LGR6: variants seen among roughly 807,000 people sequenced by gnomAD.
The protein encoded by LGR6 is leucine-rich repeat-containing G protein-coupled receptor 6.
A neutral mutation model predicts 69.4 loss-of-function variants in LGR6; 45 were observed. The observed-to-expected ratio is 0.65, with a 90% CI of 0.51 to 0.83. LGR6 has a LOEUF of 0.83. Ranked by LOEUF, LGR6 falls within the 40% of genes least tolerant of loss-of-function variation. The pLI, the probability that LGR6 is intolerant of heterozygous loss-of-function variation, is 0.00. For missense variants in LGR6, 1,108 were observed against 1,246.7 expected (o/e 0.89, Z 1.68); for synonymous variants, 538 against 555.0 (o/e 0.97, Z 0.43).
At chr1:202,218,991 T>C (rs721559) in intron 1 of LGR6, among the ~76,000 whole-genome samples, 66,667 of 151,968 alleles carry the variant, frequency 0.44, 14,793 homozygotes, top group Non-Finnish European at 0.46. Context: ...CTGAGCTCAG[T>C]GCACAGAAGC....
At chr1:202,251,547 C>T (rs1033562191) in intron 4 of LGR6, among the ~76,000 whole-genome samples, 3 of 152,122 alleles carry the variant, frequency 2.0e-5, no homozygotes, top group African/African-American at 7.2e-5. Context: ...CCCTCCCACC[C>T]GGGAAGCCAG....
At chr1:202,295,870 AGTGTGTGT>A (rs10522809) in intron 6 of LGR6, among the ~76,000 whole-genome samples, 4,163 of 143,994 alleles carry the variant, frequency 0.029, 80 homozygotes, top group Non-Finnish European at 0.033. Context: ...TTGGGTAATT[AGTGTGTGT>A]GTGTGTGTGT....
At chr1:202,223,391 G>C (rs1328334348) in intron 1 of LGR6, among the ~76,000 whole-genome samples, 1 of 152,154 alleles carries the variant, frequency 6.6e-6, no homozygotes, top group East Asian at 1.9e-4. Flanking sequence ...TCTTTTTATA[G>C]ATTGGAACAG....
intron 14 of LGR6, 57 bp downstream of exon 14, chr1:202,307,458 T>C (rs1317171145): frequency 6.5e-7 from 1 of 1,547,438 alleles, no homozygotes; most frequent in African/African-American, 1.4e-5. Flanking sequence ...GACTATGGGC[T>C]GGCCAATGGA....
At chr1:202,316,893 T>C (rs1654185546) in intron 17 of LGR6, among the ~76,000 whole-genome samples, 1 of 152,096 alleles carries the variant, frequency 6.6e-6, no homozygotes, top group South Asian at 2.1e-4. Flanking sequence ...GAGAGAGGGA[T>C]GGAAAACACC....
chr1:202,236,095 C>T (rs1661523966), intron 4 of LGR6, 102 bp downstream of exon 4: 1 of 915,680 alleles, frequency 1.1e-6, no homozygotes, highest in Non-Finnish European at 1.7e-6. Context: ...TGCAGGCGCC[C>T]CCTCTCCCAG....
At chr1:202,311,815 A>G (rs1292579720) in intron 16 of LGR6, among the ~76,000 whole-genome samples, 3 of 152,150 alleles carry the variant, frequency 2.0e-5, no homozygotes, top group Admixed American at 6.5e-5. Context: ...GGAGAGTGCA[A>G]CTGTGGAGTC....
chr1:202,234,854 A>G (rs1334406135), intron 3 of LGR6, among the ~76,000 whole-genome samples: 1 of 152,168 alleles, frequency 6.6e-6, no homozygotes, highest in Non-Finnish European at 1.5e-5. Flanking sequence ...AGATGGATGG[A>G]TACACCATAA....
At chr1:202,278,927 T>C (rs1254917710) in intron 5 of LGR6, among the ~76,000 whole-genome samples, 1 of 152,172 alleles carries the variant, frequency 6.6e-6, no homozygotes, top group African/African-American at 2.4e-5. Flanking sequence ...TGGTGTCATG[T>C]GTGTAATCTT....
intron 1 of LGR6, among the ~76,000 whole-genome samples, chr1:202,212,082 G>C (rs991239355): frequency 2.0e-5 from 3 of 152,210 alleles, no homozygotes; most frequent in African/African-American, 7.2e-5. Flanking sequence ...TGGGCAACCA[G>C]ACATGTTCTA....
intron 6 of LGR6, among the ~76,000 whole-genome samples, chr1:202,286,314 A>T (rs541710721): frequency 6.6e-6 from 1 of 152,322 alleles, no homozygotes; most frequent in Admixed American, 6.5e-5. Flanking sequence ...ATTTGCCTTC[A>T]TATCTCAAGG....
intron 1 of LGR6, among the ~76,000 whole-genome samples, chr1:202,205,925 CAT>C (rs1204671766): frequency 1.5e-4 from 22 of 150,626 alleles, no homozygotes; most frequent in African/African-American, 5.2e-4. Flanking sequence ...CTCCTTCAAA[CAT>C]ACACACACAT....
At chr1:202,228,423 C>A (rs3820383) in intron 3 of LGR6, among the ~76,000 whole-genome samples, 17,450 of 152,110 alleles carry the variant, frequency 0.11, 1,413 homozygotes, top group East Asian at 0.35. Context: ...CCCTTGCAAC[C>A]CAACCTTTGT....
chr1:202,296,299 C>G (rs1667159029), intron 6 of LGR6, among the ~76,000 whole-genome samples: 1 of 152,052 alleles, frequency 6.6e-6, no homozygotes. Flanking sequence ...ATTAAGACAC[C>G]CCCAAATCAG....
intron 1 of LGR6, among the ~76,000 whole-genome samples, chr1:202,215,928 C>A (rs1474924207): frequency 2.0e-5 from 3 of 152,226 alleles, no homozygotes; most frequent in Non-Finnish European, 4.4e-5. Flanking sequence ...GTCAAAAGGC[C>A]AAAGGGATTA....
chr1:202,204,670 C>T (rs544506238), intron 1 of LGR6, among the ~76,000 whole-genome samples: 35 of 12,002 alleles, frequency 2.9e-3, no homozygotes, highest in African/African-American at 8.5e-3. Flanking sequence ...AACACACACA[C>T]GCCTCCAAAC....
chr1:202,224,419 C>G (rs1660366653), intron 1 of LGR6, among the ~76,000 whole-genome samples: 1 of 152,174 alleles, frequency 6.6e-6, no homozygotes, highest in South Asian at 2.1e-4. Flanking sequence ...CTTACCCCAC[C>G]TGGGAATCTA....
At chr1:202,287,260 T>C (rs1205102060) in intron 6 of LGR6, among the ~76,000 whole-genome samples, 1 of 152,208 alleles carries the variant, frequency 6.6e-6, no homozygotes, top group Non-Finnish European at 1.5e-5. Flanking sequence ...TGGTAAAACA[T>C]TTATGAACAA....
Position 202,318,007 on chromosome 1 carries a change from G to A in LGR6, c.1704G>A (p.Val568=), listed in dbSNP as rs775275788. The change falls in exon 18 of 18, where the codon GTG becomes GTA. Residue 568 remains valine, a synonymous_variant. Coordinates refer to ENST00000367278, the MANE Select transcript of LGR6 (RefSeq NM_001017403.2). The part of the protein sequence containing the change: ...LFESWGIRLA[V]WAIVLLSVLC... The stretch of plus-strand genomic sequence containing the variant: ...AAAGCTGGGGCATCCGCCTGGCCGT[G>A]TGGGCCATCGTGTTGCTCTCCGTGC... 1.2e-6 allele frequency: 2 copies of A among 1,614,178 alleles called. No homozygotes were observed. The highest frequency in any genetic ancestry group is 2.2e-5 in the South Asian group (2 of 91,078).
Sources: allele counts gnomAD v4.1 joint callset (sites outside exome capture counted in the v4.1 genomes callset), GRCh38; gene constraint gnomAD v4.1.1; transcripts MANE v1.5; gene names NCBI Gene and HGNC (gene_info 2026-07-23, HGNC 2026-07-21).